The following GLE1 variants were observed in gnomAD, a reference collection of about 807,000 sequenced individuals.
GLE1 encodes GLE1 RNA export mediator, also known as mRNA export factor GLE1.
In GLE1, 78 loss-of-function variants were observed where a neutral mutation model predicts 97.3. That is an observed-to-expected ratio of 0.80 (90% CI 0.67 to 0.97). The LOEUF is 0.97. Among genes scored for constraint, GLE1 ranks in the 50% least tolerant of loss-of-function variants. GLE1 has a pLI of 0.00. For missense variants in GLE1, 753 were observed against 857.5 expected, an observed-to-expected ratio of 0.88 and a Z score of 1.52; for synonymous variants, 302 against 313.4, an observed-to-expected ratio of 0.96 and a Z score of 0.39.
At chr9:128,532,601 C>CT (rs1387926443) in intron 9 of GLE1, 2 of 345,214 alleles carry the variant, frequency 5.8e-6, no homozygotes, top group East Asian at 3.3e-4. Flanking sequence ...GAGCTAGAAA[C>CT]TTTAGTTCTT....
chr9:128,537,645 A>G (rs1416166958), intron 12 of GLE1, among the ~76,000 whole-genome samples: 1 of 151,910 alleles, frequency 6.6e-6, no homozygotes, highest in Non-Finnish European at 1.5e-5. Context: ...CTCTAAATAA[A>G]ATACAAAAAA....
At chr9:128,525,072 T>A in intron 6 of GLE1, 120 bp from the exon 7 acceptor site, 1 of 745,746 alleles carries the variant, frequency 1.3e-6, no homozygotes, top group Non-Finnish European at 2.4e-6. Context: ...AAGTATCAAT[T>A]CGTTGAATGT....
At position 128,532,310 on chromosome 9, in the gene GLE1, C is replaced by T. The variant is rs564638931; in HGVS notation, c.1313-1203C>T. Among the ~76,000 whole-genome samples the T allele has an allele frequency of 5.3e-4, 77 of 144,760 alleles. 1 individual carries two copies. Among genetic ancestry groups the T allele is most frequent in the African/African-American group, 1.9e-3 (75 of 38,726 alleles). The allele number at this position is 144,760 out of a possible 152,430, so 95.0% of individuals were successfully genotyped here. On this transcript the variant is annotated intron_variant, in intron 9 of 15. Coordinates refer to ENST00000309971, the MANE Select transcript of GLE1 (RefSeq NM_001003722.2). ...CACAATCTCGGCTCACTGTAACCTG[C>T]GCTTCCTGGGTTCAAACGATTCTCC...
chr9:128,530,779 G>C (rs1252569518), intron 9 of GLE1, among the ~76,000 whole-genome samples: 4 of 151,768 alleles, frequency 2.6e-5, no homozygotes, highest in Non-Finnish European at 5.9e-5. Flanking sequence ...CGTGGTGGCA[G>C]GCACCTGTAG....
In GLE1 at chr9:128,533,829, G is replaced by A. The variant is rs1847605548; in HGVS notation, c.1524G>A (p.Gly508=). ...AAFPIAVVAS[G]IWELHPRVGD... ...TCCCCATTGCAGTTGTGGCATCCGG[G>A]ATCTGGGAGCTCCACCCCAGAGTGG... Residue 508 remains glycine (G), a synonymous_variant, in exon 11 of 16, where the codon GGG becomes GGA. Coordinates refer to ENST00000309971, the MANE Select transcript of GLE1 (RefSeq NM_001003722.2). The A allele has an allele frequency of 1.9e-6, 3 of 1,613,686 alleles. No homozygotes were observed. In the South Asian group the frequency reaches 3.3e-5, roughly 18 times the overall value.
chr9:128,508,759 T>G, intron 1 of GLE1, 117 bp from the exon 2 acceptor site: 1 of 724,408 alleles, frequency 1.4e-6, no homozygotes, highest in South Asian at 1.5e-5. Context: ...AATACATTAC[T>G]TTGGGTCTTT....
intron 13 of GLE1, among the ~76,000 whole-genome samples, chr9:128,538,777 C>T (rs770863629): frequency 6.6e-6 from 1 of 152,100 alleles, no homozygotes; most frequent in Non-Finnish European, 1.5e-5. Flanking sequence ...CTCACTGTAG[C>T]CTCAAACTCT....
chr9:128,523,232 A>G (rs750731571), intron 4 of GLE1, 48 bp from the exon 5 acceptor site: 28 of 1,360,530 alleles, frequency 2.1e-5, no homozygotes, highest in Non-Finnish European at 2.7e-5. Flanking sequence ...AAGAAAAACA[A>G]TTTCAGGAAG....
intron 9 of GLE1, among the ~76,000 whole-genome samples, chr9:128,532,218 T>C (rs1403377530): frequency 7.0e-6 from 1 of 142,274 alleles, no homozygotes; most frequent in African/African-American, 2.6e-5. Context: ...GCTTTTTTTT[T>C]TTTTTTTTTT....
intron 14 of GLE1, 95 bp from the exon 15 acceptor site, chr9:128,540,180 C>T (rs549447488): frequency 3.7e-4 from 321 of 857,576 alleles, no homozygotes; most frequent in African/African-American, 3.4e-3. Flanking sequence ...CGCACCACCG[C>T]GCTGCACTCC....
chr9:128,541,061 A>T (rs752254767), intron 15 of GLE1, 41 bp from the exon 16 acceptor site: 1 of 1,081,474 alleles, frequency 9.2e-7, no homozygotes, highest in South Asian at 1.2e-5. Flanking sequence ...GAACACTGTT[A>T]TCAGAAACTC....
intron 3 of GLE1, among the ~76,000 whole-genome samples, chr9:128,519,025 G>T (rs1847064227): frequency 6.6e-6 from 1 of 152,116 alleles, no homozygotes; most frequent in Admixed American, 6.6e-5. Context: ...TGTCTTTACT[G>T]CAATCTCTAA....
intron 4 of GLE1, 114 bp downstream of exon 4, chr9:128,522,930 G>A: frequency 2.4e-6 from 3 of 1,225,488 alleles, no homozygotes; most frequent in East Asian, 2.4e-5. Context: ...AAATATCAAG[G>A]TAAAATAGGC....
intron 2 of GLE1, among the ~76,000 whole-genome samples, chr9:128,512,790 G>T (rs975857088): frequency 3.9e-5 from 6 of 152,050 alleles, no homozygotes; most frequent in African/African-American, 1.2e-4. Context: ...CTCTTGAGTA[G>T]CTGGGATTAC....
intron 1 of GLE1, among the ~76,000 whole-genome samples, chr9:128,507,407 C>A (rs557142398): frequency 4.6e-5 from 7 of 152,032 alleles, no homozygotes; most frequent in African/African-American, 1.7e-4. Flanking sequence ...TGTGGAGAAA[C>A]CTCACCTCTA....
intron 9 of GLE1, among the ~76,000 whole-genome samples, chr9:128,527,954 ACT>A (rs1162505916): frequency 6.8e-6 from 1 of 147,148 alleles, no homozygotes; most frequent in African/African-American, 2.5e-5. Flanking sequence ...ACAGAGCGAG[ACT>A]CTGTCTCAAA....
At chr9:128,512,939 G>A (rs964138855) in intron 2 of GLE1, among the ~76,000 whole-genome samples, 3 of 152,158 alleles carry the variant, frequency 2.0e-5, no homozygotes, top group Non-Finnish European at 2.9e-5. Context: ...ATGAGCCACC[G>A]TGCCCAGCCC....
In GLE1 at chr9:128,524,540, C is replaced by CT. The variant is rs71381767; in HGVS notation, c.898-623dup. 7.6e-3 allele frequency among the ~76,000 whole-genome samples: 301 copies of CT among 39,660 alleles called. 63 individuals carry two copies. Among genetic ancestry groups the CT allele is most frequent in the African/African-American group, 0.017 (181 of 10,806 alleles). 26.0% of individuals were successfully genotyped at this position (39,660 alleles called of 152,430 possible). On this transcript the variant is annotated intron_variant, in intron 6 of 15. Transcript: ENST00000309971. The stretch of plus-strand genomic sequence containing the variant: ...GTACCTGCCCTGTTTCTTTGCTTTG[C>CT]TTTTTTTTTTTTTTTTTTTTTTTTT...
At position 128,522,658 on chromosome 9, in the gene GLE1, A is replaced by G. The variant is rs386833693; in HGVS notation, c.433-10A>G. The G allele has an allele frequency of 3.6e-4, 541 of 1,498,144 alleles. No individual in the cohort carries two copies. Among genetic ancestry groups the G allele is most frequent in the South Asian group, 3.6e-5 (3 of 83,610 alleles). 92.8% of individuals were successfully genotyped at this position (1,498,144 alleles called of 1,614,324 possible). A position where few individuals can be genotyped will look rare whatever the true frequency, so the allele number is the denominator to read the frequency against. ...CTTAAAAAAAAAAAAAAAAAAAAAA[A>G]CCTTTTCAGGAGGGCCTGAGGCTAT... On this transcript the variant is annotated splice_polypyrimidine_tract_variant and intron_variant, in intron 3 of 15. Transcript: ENST00000309971.
Sources: gnomAD v4.1 joint callset for allele counts (sites outside exome capture counted in the v4.1 genomes callset) on GRCh38, gnomAD v4.1.1 for gene constraint, MANE v1.5 for transcripts, NCBI Gene and HGNC (gene_info 2026-07-23, HGNC 2026-07-21) for gene names.